SLC2A2: variants seen among roughly 807,000 people sequenced by gnomAD.
SLC2A2 encodes solute carrier family 2, facilitated glucose transporter member 2.
A neutral mutation model predicts 54.5 loss-of-function variants in SLC2A2; 36 were observed. The ratio of observed to expected loss-of-function variants is 0.66; its 90% CI spans 0.51 to 0.87. SLC2A2 has a LOEUF of 0.87. Among genes scored for constraint, SLC2A2 ranks in the 40% least tolerant of loss-of-function variants. SLC2A2 has a pLI of 0.00. For synonymous variants in SLC2A2, 223 were observed against 219.1 expected (o/e 1.02, Z -0.16); for missense variants, 543 against 624.3 (o/e 0.87, Z 1.39).
At chr3:171,017,008 A>C (rs1462656198) in intron 2 of SLC2A2, among the ~76,000 whole-genome samples, 2 of 151,778 alleles carry the variant, frequency 1.3e-5, no homozygotes, top group African/African-American at 4.8e-5. Context: ...ATGTGCCACC[A>C]CGCCCAGCTA....
chr3:171,009,563 G>A (rs1229814552), intron 4 of SLC2A2, among the ~76,000 whole-genome samples: 1 of 152,016 alleles, frequency 6.6e-6, no homozygotes, highest in Non-Finnish European at 1.5e-5. Context: ...AATAACAACG[G>A]CTAGCATTTA....
intron 7 of SLC2A2, among the ~76,000 whole-genome samples, chr3:171,003,618 CAA>C (rs1715445888): frequency 2.6e-5 from 4 of 151,876 alleles, no homozygotes. Context: ...AATGCTCACT[CAA>C]TATATATTTG....
chr3:171,006,152 C>A, intron 5 of SLC2A2, 47 bp from the exon 6 acceptor site: 1 of 1,542,732 alleles, frequency 6.5e-7, no homozygotes. Flanking sequence ...TACTTTGGAT[C>A]TACCTTTTAC....
At chr3:171,020,212 CCT>C in intron 1 of SLC2A2, among the ~76,000 whole-genome samples, 1 of 152,112 alleles carries the variant, frequency 6.6e-6, no homozygotes, top group Middle Eastern at 3.2e-3. Flanking sequence ...CCTTCATTAC[CCT>C]GAAAAGCTAG....
At position 171,018,657 on chromosome 3, in the gene SLC2A2, C is replaced by A. The variant is rs373805655; in HGVS notation, c.16-34G>T. ...GGCGAGACACAGGGCAGGGAAACAC[C>A]AGGCAATTTTAGTTTCCCATCTTTC... On this transcript the variant is annotated intron_variant, in intron 1 of 10. Coordinates refer to ENST00000314251, the MANE Select transcript of SLC2A2 (RefSeq NM_000340.2). 17 of 1,458,408 alleles carry A rather than the reference C, an allele frequency of 1.2e-5. No individual in the cohort carries two copies. In the African/African-American group the frequency reaches 2.2e-4, roughly 19 times the overall value. The allele number at this position is 1,458,408 out of a possible 1,614,324, so 90.3% of individuals were successfully genotyped here.
At chr3:170,999,781 G>T (rs1453442238) in intron 8 of SLC2A2, among the ~76,000 whole-genome samples, 1 of 152,084 alleles carries the variant, frequency 6.6e-6, no homozygotes, top group Admixed American at 6.6e-5. Context: ...TGTATCTTGT[G>T]CTGGGAGTGA....
chr3:171,025,442 C>T (rs964018460), intron 1 of SLC2A2, among the ~76,000 whole-genome samples: 33 of 151,844 alleles, frequency 2.2e-4, no homozygotes, highest in African/African-American at 7.5e-4. Context: ...TTTAATTACT[C>T]CCTAACTCTA....
At chr3:171,018,983 G>A (rs1716290883) in intron 1 of SLC2A2, among the ~76,000 whole-genome samples, 1 of 150,918 alleles carries the variant, frequency 6.6e-6, no homozygotes, top group South Asian at 2.1e-4. Context: ...GAAATTACTT[G>A]ATTAAAAAAA....
rs571749723 is a variant in SLC2A2, at chr3:171,022,281, C to T, written c.16-3658G>A. On this transcript the variant is annotated intron_variant, in intron 1 of 10. Transcript: ENST00000314251. Reference sequence around the variant, plus strand: ...TTAGTCAGATACAGACATTCAAAAGCGAAGCACATCTGAAAAATCTAGGAC... The same window carrying T: ...TTAGTCAGATACAGACATTCAAAAGTGAAGCACATCTGAAAAATCTAGGAC... Among the ~76,000 whole-genome samples the T allele has an allele frequency of 3.9e-5, 6 of 152,286 alleles. No homozygotes were observed. In the East Asian group the frequency reaches 1.2e-3, roughly 29 times the overall value.
At position 170,996,995 on chromosome 3, in the gene SLC2A2, A is replaced by G. The variant is rs1026896170; in HGVS notation, c.*908T>C. ...TTTACTTCAAATTTTCTTACATTAG[A>G]TTTGATCAAACTTATTAGGAATTTG... is the stretch of plus-strand genomic sequence containing the variant. On this transcript the variant is annotated 3_prime_UTR_variant, in exon 11 of 11. Transcript: ENST00000314251. 1.4e-5 allele frequency: 3 copies of G among 207,032 alleles called. No homozygotes were observed. Among genetic ancestry groups the G allele is most frequent in the Non-Finnish European group, 2.9e-5 (3 of 104,816 alleles). 12.8% of individuals were successfully genotyped at this position (207,032 alleles called of 1,614,324 possible).
In SLC2A2 at chr3:170,997,956, T is replaced by C; in HGVS notation, c.1522A>G (p.Arg508Gly). 1.2e-6 allele frequency: 2 copies of C among 1,613,730 alleles called. No homozygotes were observed. Among genetic ancestry groups the C allele is most frequent in the Non-Finnish European group, 1.7e-6 (2 of 1,179,764 alleles). The change falls in exon 11 of 11, where the codon AGG becomes GGG. Residue 508 changes from arginine (R) to glycine (G), a missense_variant. This residue lies in a region of SLC2A2 where 108 missense variants were observed against 101.3 expected (regional missense o/e 1.07). Transcript: ENST00000314251. ...TTCATTTCTACAGCAGCTTTTGGCC[T>C]GTGGGCTGAGCCACTCTTCTTTTGG... ...EFQKKSGSAH[R>G]PKAAVEMKFL...
chr3:171,007,176 G>T lies in SLC2A2; in HGVS notation c.584C>A (p.Ala195Asp). The change falls in exon 5 of 11, where the codon GCC becomes GAC. Residue 195 changes from alanine (A) to aspartate (D), a missense_variant. By Grantham distance (126) the Ala-to-Asp change is moderately radical. This residue lies in a region of SLC2A2 where 318 missense variants were observed against 343.8 expected (regional missense o/e 0.93). Transcript: ENST00000314251. ...RGALGTFHQL[A>D]IVTGILISQI... ...ACTAATAAGAATGCCCGTGACGATGGCCAGCTGATGAAAAGTGCCAAGTGC... is the reference window on the plus strand; with the variant it reads ...ACTAATAAGAATGCCCGTGACGATGTCCAGCTGATGAAAAGTGCCAAGTGC... 1 of 1,611,770 alleles carries T rather than the reference G, an allele frequency of 6.2e-7. No individual in the cohort carries two copies. Among genetic ancestry groups the T allele is most frequent in the Non-Finnish European group, 8.5e-7 (1 of 1,178,290 alleles).
rs775245048 is a variant in SLC2A2, at chr3:171,006,040, A to G, written c.678T>C (p.Gly226=). The G allele has an allele frequency of 6.2e-7, 1 of 1,612,782 alleles. No individual in the cohort carries two copies. The highest frequency in any genetic ancestry group is 8.5e-7 in the Non-Finnish European group (1 of 1,179,146). Residue 226 remains glycine, a synonymous_variant, in exon 6 of 11, where the codon GGT becomes GGC. Coordinates refer to ENST00000314251, the MANE Select transcript of SLC2A2 (RefSeq NM_000340.2). ...GCAGAGACTGAAGGATGGCTCGCAC[A>G]CCAGACAGGCCAAGCAGGATGTGCC... ...DLWHILLGLS[G]VRAILQSLLL...
intron 3 of SLC2A2, among the ~76,000 whole-genome samples, chr3:171,013,534 A>G (rs1048774766): frequency 1.3e-5 from 2 of 152,160 alleles, no homozygotes; most frequent in Non-Finnish European, 2.9e-5. Flanking sequence ...AGGAAGAGTT[A>G]TCAGAATTTT....
In SLC2A2 at chr3:170,997,894, G is replaced by T; in HGVS notation, c.*9C>A. 2 of 1,433,024 alleles carry T rather than the reference G, an allele frequency of 1.4e-6. No individual in the cohort carries two copies. The highest frequency in any genetic ancestry group is 1.2e-5 in the South Asian group (1 of 80,016). 88.8% of individuals were successfully genotyped at this position (1,433,024 alleles called of 1,614,324 possible). A position where few individuals can be genotyped will look rare whatever the true frequency, so the allele number is the denominator to read the frequency against. On this transcript the variant is annotated 3_prime_UTR_variant, in exon 11 of 11. Coordinates refer to ENST00000314251, the MANE Select transcript of SLC2A2 (RefSeq NM_000340.2). ...GTTTCTGTTCATGTCAAAAAGCAGG[G>T]TTTTTTTTTTACACAGTCTCTGTAG...
At chr3:171,002,530 C>A in intron 8 of SLC2A2, 46 bp downstream of exon 8, 1 of 1,236,874 alleles carries the variant, frequency 8.1e-7, no homozygotes, top group Non-Finnish European at 1.2e-6. Flanking sequence ...CCTGCAATTT[C>A]TGGACTAAGG....
At chr3:170,998,491 C>A (rs2108233515) in intron 9 of SLC2A2, 95 bp from the exon 10 acceptor site, 1 of 905,708 alleles carries the variant, frequency 1.1e-6, no homozygotes, top group East Asian at 2.6e-5. Flanking sequence ...CGGCATACAA[C>A]TTTTTCTAAT....
intron 7 of SLC2A2, among the ~76,000 whole-genome samples, chr3:171,003,176 A>T (rs1715418434): frequency 6.6e-6 from 1 of 151,982 alleles, no homozygotes; most frequent in South Asian, 2.1e-4. Context: ...TGTGAATGGA[A>T]CCACATAATA....
At position 170,996,652 on chromosome 3, in the gene SLC2A2, C is replaced by A; in HGVS notation, c.*1251G>T. 1 of 397,914 alleles carries A rather than the reference C, an allele frequency of 2.5e-6. No individual in the cohort carries two copies. Among genetic ancestry groups the A allele is most frequent in the Non-Finnish European group, 4.4e-6 (1 of 225,610 alleles). 24.6% of individuals were successfully genotyped at this position (397,914 alleles called of 1,614,324 possible). A position where few individuals can be genotyped will look rare whatever the true frequency, so the allele number is the denominator to read the frequency against. ...AGTCTGTTTAATCATCTGTGTATTT[C>A]CAATTTGCCTATGTAGGTAAAGGCA... On this transcript the variant is annotated 3_prime_UTR_variant, in exon 11 of 11. Transcript: ENST00000314251.
Sources: allele counts gnomAD v4.1 joint callset (sites outside exome capture counted in the v4.1 genomes callset), GRCh38; gene constraint gnomAD v4.1.1; regional missense constraint gnomAD v4.1.1; transcripts MANE v1.5; gene names NCBI Gene and HGNC (gene_info 2026-07-23, HGNC 2026-07-21).